The following MAF variants were observed in gnomAD, a reference collection of about 807,000 sequenced individuals.
MAF encodes the protein MAF bZIP transcription factor.
A neutral mutation model predicts 22.0 loss-of-function variants in MAF; 10 were observed. That is an observed-to-expected ratio of 0.45 (90% CI 0.28 to 0.77). The LOEUF (loss-of-function observed/expected upper bound fraction) is 0.77, where lower values mean the gene tolerates loss of function less well. Among genes scored for constraint, MAF ranks in the 30% least tolerant of loss-of-function variants. MAF has a pLI of 0.12. For synonymous variants in MAF, 337 were observed against 255.8 expected (o/e 1.32, Z -3.03); for missense variants, 544 against 548.4 (o/e 0.99, Z 0.08).
In MAF at chr16:79,594,014, G is replaced by A. The variant is rs975847148; in HGVS notation, c.*446C>T. On this transcript the variant is annotated 3_prime_UTR_variant, in exon 2 of 2. Transcript: ENST00000326043. ...TGGATTTGTTTAGGGAAGGGGAGTC[G>A]AATATCTATTTTTCTTCTTAGTAAA... The A allele has an allele frequency of 3.1e-5, 7 of 224,810 alleles. No individual in the cohort carries two copies. The highest frequency in any genetic ancestry group is 1.6e-4 in the African/African-American group (7 of 43,896). 13.9% of individuals were successfully genotyped at this position (224,810 alleles called of 1,614,324 possible). A position where few individuals can be genotyped will look rare whatever the true frequency, so the allele number is the denominator to read the frequency against.
chr16:79,573,234 T>A, the MAF span, among the ~76,000 whole-genome samples: 1 of 152,248 alleles, frequency 6.6e-6, no homozygotes, highest in Non-Finnish European at 1.5e-5. Context: ...GTTGTGTTTT[T>A]GTTTTGTTGT....
the MAF span, chr16:79,211,973 T>TG: frequency 6.5e-7 from 1 of 1,534,552 alleles, no homozygotes; most frequent in South Asian, 1.2e-5. Flanking sequence ...AGGGAATTCC[T>TG]GGGGTAAAGT....
the MAF span, among the ~76,000 whole-genome samples, chr16:79,446,635 G>A: frequency 0.014 from 2,179 of 152,202 alleles, 51 homozygotes; most frequent in African/African-American, 0.049. Flanking sequence ...AAATCAGGCC[G>A]GGCGCAGTGG....
the MAF span, among the ~76,000 whole-genome samples, chr16:79,457,301 T>G: frequency 6.6e-6 from 1 of 151,894 alleles, no homozygotes; most frequent in Non-Finnish European, 1.5e-5. Flanking sequence ...CACCATACTT[T>G]GACATGGCTG....
chr16:79,525,117 CT>C, the MAF span, among the ~76,000 whole-genome samples: 19 of 151,638 alleles, frequency 1.3e-4, no homozygotes, highest in East Asian at 7.7e-4. Flanking sequence ...CGATTTAACG[CT>C]TTTTTTTTCC....
chr16:79,410,201 C>T, the MAF span, among the ~76,000 whole-genome samples: 21 of 152,320 alleles, frequency 1.4e-4, 1 homozygote, highest in Admixed American at 2.6e-4. Context: ...GATTTCTGTA[C>T]GTCACTTCCC....
the MAF span, among the ~76,000 whole-genome samples, chr16:79,238,998 C>G: frequency 6.6e-6 from 1 of 152,042 alleles, no homozygotes; most frequent in Non-Finnish European, 1.5e-5. Flanking sequence ...GTTGTCCTCA[C>G]CGTGCTGGCT....
At chr16:79,390,761 A>C in the MAF span, among the ~76,000 whole-genome samples, 18 of 152,234 alleles carry the variant, frequency 1.2e-4, no homozygotes, top group African/African-American at 4.1e-4. Flanking sequence ...TAGAGAAATT[A>C]ATTGTCCTTG....
chr16:79,567,390 T>A, the MAF span, among the ~76,000 whole-genome samples: 42 of 152,198 alleles, frequency 2.8e-4, no homozygotes, highest in African/African-American at 9.4e-4. Context: ...CTACCTTAGT[T>A]TGATTATACA....
At chr16:79,212,500 C>CGT in the MAF span, 680 of 204,156 alleles carry the variant, frequency 3.3e-3, 6 homozygotes, top group Admixed American at 0.026. Context: ...GGAAGGGAAG[C>CGT]GTATATACTT....
chr16:79,597,800 CTTTT>C (rs34352423), intron 1 of MAF: 48 of 891,224 alleles, frequency 5.4e-5, no homozygotes, highest in African/African-American at 1.8e-4. Context: ...AGCATGCAGG[CTTTT>C]TTTTTTTATT....
At chr16:79,285,951 G>A in the MAF span, among the ~76,000 whole-genome samples, 1 of 152,154 alleles carries the variant, frequency 6.6e-6, no homozygotes, top group Non-Finnish European at 1.5e-5. Context: ...ATTTAGGGAC[G>A]ATGACTCAGT....
At chr16:79,208,759 A>C in the MAF span, among the ~76,000 whole-genome samples, 1 of 152,200 alleles carries the variant, frequency 6.6e-6, no homozygotes, top group Admixed American at 6.5e-5. Flanking sequence ...CTGGTGAGCC[A>C]AAAATGAGAA....
At chr16:79,555,691 C>A in the MAF span, among the ~76,000 whole-genome samples, 1 of 152,204 alleles carries the variant, frequency 6.6e-6, no homozygotes, top group African/African-American at 2.4e-5. Context: ...TTCTGATTTT[C>A]AGATTAGGGA....
At chr16:79,229,758 C>G in the MAF span, among the ~76,000 whole-genome samples, 1 of 152,002 alleles carries the variant, frequency 6.6e-6, no homozygotes, top group East Asian at 1.9e-4. Context: ...TTTGTACCTC[C>G]GGGATTCCTT....
At chr16:79,499,182 T>C in the MAF span, among the ~76,000 whole-genome samples, 1 of 152,170 alleles carries the variant, frequency 6.6e-6, no homozygotes, top group African/African-American at 2.4e-5. Flanking sequence ...CTGTGAAGTA[T>C]GACAGCAAGC....
At chr16:79,452,124 T>A in the MAF span, among the ~76,000 whole-genome samples, 2 of 152,226 alleles carry the variant, frequency 1.3e-5, no homozygotes, top group Non-Finnish European at 2.9e-5. Flanking sequence ...ATCGAGAGAC[T>A]GCAATAGAGA....
At chr16:79,319,177 T>C in the MAF span, among the ~76,000 whole-genome samples, 3 of 152,274 alleles carry the variant, frequency 2.0e-5, no homozygotes, top group East Asian at 5.8e-4. Context: ...CAATGCCTAC[T>C]TTGGGGAGGT....
At chr16:79,351,092 A>G in the MAF span, among the ~76,000 whole-genome samples, 5 of 152,148 alleles carry the variant, frequency 3.3e-5, no homozygotes, top group African/African-American at 9.7e-5. Flanking sequence ...TACAAGTGGC[A>G]TGCTCACTTG....
Sources: allele counts gnomAD v4.1 joint callset (sites outside exome capture counted in the v4.1 genomes callset), GRCh38; gene constraint gnomAD v4.1.1; transcripts MANE v1.5; gene names NCBI Gene and HGNC (gene_info 2026-07-23, HGNC 2026-07-21).